ARHGEF3: variants seen among roughly 807,000 people sequenced by gnomAD.
The protein encoded by ARHGEF3 is Rho guanine nucleotide exchange factor 3, also known as 59.8 kDA protein.
Under a neutral mutation model 63.2 loss-of-function variants are expected in ARHGEF3, and 28 were observed. The ratio of observed to expected loss-of-function variants is 0.44; its 90% CI spans 0.33 to 0.61. The LOEUF is 0.61. Ranked by LOEUF, ARHGEF3 falls within the 20% of genes least tolerant of loss-of-function variation. ARHGEF3 has a pLI of 0.03. For missense variants in ARHGEF3, 533 were observed against 659.3 expected (o/e 0.81, Z 2.10); for synonymous variants, 266 against 254.2 (o/e 1.05, Z -0.44).
At position 57,033,607 on chromosome 3, in the gene ARHGEF3, A is replaced by G. The variant is rs183197242; in HGVS notation, c.62+1481T>C. ...ACGTATCTAGATAACTAACAAAGTT[A>G]TGGAAGAAAATGTACAAGGTAGATC... On this transcript the variant is annotated intron_variant, in intron 2 of 12. Coordinates refer to the ARHGEF3 transcript ENST00000338458. 1.7e-4 allele frequency among the ~76,000 whole-genome samples: 26 copies of G among 152,192 alleles called. No homozygotes were observed. The East Asian group carries it at 4.8e-3, about 28-fold the overall frequency.
At chr3:57,026,300 C>A (rs1354510524) in intron 2 of ARHGEF3, among the ~76,000 whole-genome samples, 1 of 152,066 alleles carries the variant, frequency 6.6e-6, no homozygotes, top group Non-Finnish European at 1.5e-5. Context: ...ACTCAGGAGG[C>A]TGAGGTAGAA....
At chr3:56,835,702 C>T (rs937883443) in intron 4 of ARHGEF3, among the ~76,000 whole-genome samples, 2 of 152,112 alleles carry the variant, frequency 1.3e-5, no homozygotes, top group African/African-American at 2.4e-5. Flanking sequence ...AGCAGAAAGA[C>T]TTAAAATGCA....
At chr3:56,879,871 C>T (rs933747995) in intron 4 of ARHGEF3, among the ~76,000 whole-genome samples, 3 of 152,212 alleles carry the variant, frequency 2.0e-5, no homozygotes, top group Admixed American at 2.0e-4. Context: ...GCCTTTATGG[C>T]AAAACATCTT....
chr3:56,898,792 T>C (rs141228655), intron 3 of ARHGEF3, among the ~76,000 whole-genome samples: 4,594 of 151,966 alleles, frequency 0.03, 232 homozygotes, highest in African/African-American at 0.1. Flanking sequence ...CGTGGTGGCT[T>C]ACGCCTGTAA....
chr3:57,072,872 C>T (rs1025980463), intron 1 of ARHGEF3, among the ~76,000 whole-genome samples: 2 of 152,010 alleles, frequency 1.3e-5, no homozygotes, highest in African/African-American at 4.8e-5. Flanking sequence ...TGGTGAAACC[C>T]CATCTCTACT....
At chr3:56,985,907 C>CA (rs1281102341) in intron 2 of ARHGEF3, among the ~76,000 whole-genome samples, 23 of 152,306 alleles carry the variant, frequency 1.5e-4, no homozygotes, top group Non-Finnish European at 3.1e-4. Flanking sequence ...GGAAGGTCAC[C>CA]AGGGACACTC....
chr3:57,069,384 C>CACACAT (rs1705753065), intron 1 of ARHGEF3, among the ~76,000 whole-genome samples: 1 of 151,214 alleles, frequency 6.6e-6, no homozygotes, highest in Non-Finnish European at 1.5e-5. Flanking sequence ...CAAACACACA[C>CACACAT]ACACACACAC....
intron 2 of ARHGEF3, among the ~76,000 whole-genome samples, chr3:56,989,731 T>C (rs996517249): frequency 5.9e-5 from 9 of 152,148 alleles, no homozygotes; most frequent in African/African-American, 2.4e-5. Context: ...CCCCACTCCC[T>C]AGGAACAACC....
chr3:56,996,679 G>A (rs1184312645), intron 2 of ARHGEF3, among the ~76,000 whole-genome samples: 1 of 152,060 alleles, frequency 6.6e-6, no homozygotes, highest in Non-Finnish European at 1.5e-5. Flanking sequence ...CTCTCTTTAT[G>A]ATGTATTGCT....
intron 4 of ARHGEF3, among the ~76,000 whole-genome samples, chr3:56,861,518 C>G (rs1461250703): frequency 1.3e-5 from 2 of 152,158 alleles, no homozygotes. Flanking sequence ...CCAATGGAGG[C>G]TTGGGGGCAG....
intron 3 of ARHGEF3, among the ~76,000 whole-genome samples, chr3:56,914,039 C>CA (rs769400448): frequency 1.3e-5 from 2 of 152,144 alleles, no homozygotes; most frequent in Non-Finnish European, 2.9e-5. Flanking sequence ...GAAAACCAAA[C>CA]AACGTATGAT....
rs757365723 is a variant in ARHGEF3 at position 56,753,487 on chromosome 3, G to A, written c.438+17C>T. The A allele has an allele frequency of 6.2e-7, 1 of 1,611,046 alleles. No homozygotes were observed. Among genetic ancestry groups the A allele is most frequent in the Non-Finnish European group, 8.5e-7 (1 of 1,178,104 alleles). ...AAAATGTGACTTGACTCAAGTGACTGCTGGATTTAAATTTACCTTTTTTGC... is the reference window on the plus strand; with the variant it reads ...AAAATGTGACTTGACTCAAGTGACTACTGGATTTAAATTTACCTTTTTTGC... On this transcript the variant is annotated intron_variant, in intron 4 of 9. Transcript: ENST00000296315.
chr3:57,064,308 C>A (rs1047879640), intron 1 of ARHGEF3, among the ~76,000 whole-genome samples: 4 of 149,090 alleles, frequency 2.7e-5, no homozygotes, highest in Non-Finnish European at 6.0e-5. Flanking sequence ...GAAATTCTTT[C>A]TTTTTTTTTT....
At chr3:56,829,730 CA>C (rs59889967) in intron 4 of ARHGEF3, among the ~76,000 whole-genome samples, 26,855 of 152,156 alleles carry the variant, frequency 0.18, 2,455 homozygotes, top group South Asian at 0.22. Flanking sequence ...AATGTTCTGA[CA>C]AACAGCAGGC....
Position 56,728,018 on chromosome 3 carries a change from T to C in ARHGEF3, c.*1252A>G, listed in dbSNP as rs1037138650. 1 of 152,654 alleles carries C rather than the reference T, an allele frequency of 6.6e-6. No individual in the cohort carries two copies. Among genetic ancestry groups the C allele is most frequent in the Non-Finnish European group, 1.5e-5 (1 of 68,030 alleles). 9.5% of individuals were successfully genotyped at this position (152,654 alleles called of 1,614,324 possible). A position where few individuals can be genotyped will look rare whatever the true frequency, so the allele number is the denominator to read the frequency against. ...GGTATAATTTTGCACAGGTCATCCT[T>C]AATATTTACACTTGCAGGGAGCTCT... is the stretch of plus-strand genomic sequence containing the variant. On this transcript the variant is annotated 3_prime_UTR_variant, in exon 10 of 10. Coordinates refer to ENST00000296315, the MANE Select transcript of ARHGEF3 (RefSeq NM_019555.3).
chr3:57,008,581 A>G (rs757510197), intron 2 of ARHGEF3, among the ~76,000 whole-genome samples: 11 of 152,128 alleles, frequency 7.2e-5, no homozygotes, highest in Non-Finnish European at 1.2e-4. Context: ...GGTTCAAGCA[A>G]TTCTCCTGCC....
At chr3:56,960,145 G>C (rs1029448114) in intron 2 of ARHGEF3, among the ~76,000 whole-genome samples, 1 of 149,074 alleles carries the variant, frequency 6.7e-6, no homozygotes, top group Non-Finnish European at 1.5e-5. Flanking sequence ...ATACAAAAGA[G>C]ATAAAATACA....
At chr3:56,827,121 A>ACTT (rs2038745364) in intron 4 of ARHGEF3, among the ~76,000 whole-genome samples, 1 of 152,258 alleles carries the variant, frequency 6.6e-6, no homozygotes, top group Admixed American at 6.5e-5. Flanking sequence ...AAATATAAAA[A>ACTT]GATAAAATCA....
intron 1 of ARHGEF3, among the ~76,000 whole-genome samples, chr3:56,781,782 C>A (rs1054599323): frequency 6.6e-6 from 1 of 152,170 alleles, no homozygotes; most frequent in Non-Finnish European, 1.5e-5. Context: ...AGTGTTTACT[C>A]AGTATGTGCA....
Sources: allele counts gnomAD v4.1 joint callset (sites outside exome capture counted in the v4.1 genomes callset), GRCh38; gene constraint gnomAD v4.1.1; transcripts MANE v1.5; gene names NCBI Gene and HGNC (gene_info 2026-07-23, HGNC 2026-07-21).